GLE1: variants seen among roughly 807,000 people sequenced by gnomAD.
GLE1 encodes the protein GLE1 RNA export mediator.
GLE1 carries 78 observed loss-of-function variants against 97.3 expected under a neutral mutation model. That is an observed-to-expected ratio of 0.80 (90% CI 0.67 to 0.97). The LOEUF (loss-of-function observed/expected upper bound fraction) is 0.97. GLE1 is among the 50% of genes least tolerant of loss of function. GLE1 has a pLI of 0.00. For synonymous variants in GLE1, 302 were observed against 313.4 expected, an observed-to-expected ratio of 0.96 and a Z score of 0.39; for missense variants, 753 against 857.5, an observed-to-expected ratio of 0.88 and a Z score of 1.52.
chr9:128,540,355 C>T lies in GLE1; in HGVS notation c.2028+17C>T. On this transcript the variant is annotated intron_variant, in intron 15 of 15. Coordinates refer to ENST00000309971, the MANE Select transcript of GLE1 (RefSeq NM_001003722.2). Reference sequence around the variant, plus strand: ...TTCTTGGAGGTAAGATGCCCTTAGACCAACATGCCCCACACTGTTGTTGGG... The same window carrying T: ...TTCTTGGAGGTAAGATGCCCTTAGATCAACATGCCCCACACTGTTGTTGGG... The T allele has an allele frequency of 6.5e-7, 1 of 1,527,880 alleles. No individual in the cohort carries two copies. Among genetic ancestry groups the T allele is most frequent in the Non-Finnish European group, 9.1e-7 (1 of 1,101,372 alleles). 94.6% of individuals were successfully genotyped at this position (1,527,880 alleles called of 1,614,324 possible).
intron 1 of GLE1, among the ~76,000 whole-genome samples, chr9:128,505,585 A>C (rs2132393518): frequency 6.6e-6 from 1 of 152,330 alleles, no homozygotes; most frequent in East Asian, 1.9e-4. Context: ...GTGCTTTCAA[A>C]CCACCAGACC....
intron 9 of GLE1, among the ~76,000 whole-genome samples, chr9:128,529,298 A>C (rs1397378975): frequency 1.3e-5 from 2 of 152,114 alleles, no homozygotes; most frequent in Non-Finnish European, 2.9e-5. Flanking sequence ...TGAGCTCCTC[A>C]GAGCCCCTCC....
intron 6 of GLE1, among the ~76,000 whole-genome samples, chr9:128,524,219 C>T (rs1484750531): frequency 5.3e-5 from 8 of 151,706 alleles, no homozygotes; most frequent in South Asian, 2.1e-4. Context: ...GCTGGGACTA[C>T]AGGCGCATAC....
rs56164320 is a variant in GLE1, at chr9:128,504,933, C to G, written c.99+29C>G. 0.055 allele frequency: 80,002 copies of G among 1,455,298 alleles called. 3,243 individuals are homozygous for G. Among genetic ancestry groups the G allele is most frequent in the East Asian group, 0.16 (7,279 of 44,200 alleles). 90.1% of individuals were successfully genotyped at this position (1,455,298 alleles called of 1,614,324 possible). On this transcript the variant is annotated intron_variant, in intron 1 of 15. Coordinates refer to ENST00000309971, the MANE Select transcript of GLE1 (RefSeq NM_001003722.2). ...AGCGGTGGCCCCGGAGGACGTAGGC[C>G]TTTCCGGCCCCTCGCGACCGAAACC...
intron 11 of GLE1, among the ~76,000 whole-genome samples, chr9:128,535,539 G>C (rs1323140520): frequency 7.6e-5 from 6 of 78,616 alleles, no homozygotes; most frequent in Non-Finnish European, 1.7e-4. Context: ...AAAAAAAAAA[G>C]GCCAGGCGCG....
intron 3 of GLE1, among the ~76,000 whole-genome samples, chr9:128,516,580 G>T (rs1846994637): frequency 6.6e-6 from 1 of 151,190 alleles, no homozygotes; most frequent in Non-Finnish European, 1.5e-5. Flanking sequence ...CGGCCTCCCA[G>T]AGTGCTGGGA....
In GLE1 at chr9:128,522,676, G is replaced by C; in HGVS notation, c.441G>C (p.Leu147=). ...AAAAAAAACCTTTTCAGGAGGGCCT[G>C]AGGCTATGGCAGGAGGAGCAGGAGA... ...LVHRMKGTEG[L]RLWQEEQERK... The change falls in exon 4 of 16, where the codon CTG becomes CTC. Residue 147 remains leucine (L), a synonymous_variant. Coordinates refer to ENST00000309971, the MANE Select transcript of GLE1 (RefSeq NM_001003722.2). 1 of 1,608,082 alleles carries C rather than the reference G, an allele frequency of 6.2e-7. No individual in the cohort carries two copies. Among genetic ancestry groups the C allele is most frequent in the Non-Finnish European group, 8.5e-7 (1 of 1,176,106 alleles).
chr9:128,524,890 AAAT>A (rs1847258332), intron 6 of GLE1, among the ~76,000 whole-genome samples: 1 of 152,034 alleles, frequency 6.6e-6, no homozygotes, highest in Non-Finnish European at 1.5e-5. Flanking sequence ...CTGTCTCAAA[AAAT>A]AATTATTATT....
chr9:128,516,720 G>A (rs1846999389), intron 3 of GLE1, among the ~76,000 whole-genome samples: 1 of 151,774 alleles, frequency 6.6e-6, no homozygotes, highest in South Asian at 2.1e-4. Context: ...CGCCTCCTGG[G>A]TTCCAGCAAT....
Position 128,533,770 on chromosome 9 carries a change from G to T in GLE1, c.1465G>T (p.Glu489Ter). ...ACCTCTATGTTCTCAGAAACAAGGC[G>T]AGGAGGAAGTGGCCTCTCACCATGA... is the stretch of plus-strand genomic sequence containing the variant. ...KLAEKFVKQG[E>*]EEVASHHEAA... Residue 489 changes from glutamate (E) to a stop codon, truncating the protein, a stop_gained, in exon 11 of 16, where the codon GAG becomes TAG. Coordinates refer to ENST00000309971, the MANE Select transcript of GLE1 (RefSeq NM_001003722.2). LOFTEE classifies it high-confidence loss of function. 1 of 1,614,104 alleles carries T rather than the reference G, an allele frequency of 6.2e-7. No homozygotes were observed. The highest frequency in any genetic ancestry group is 8.5e-7 in the Non-Finnish European group (1 of 1,179,948).
At chr9:128,524,390 C>T (rs1055576091) in intron 6 of GLE1, among the ~76,000 whole-genome samples, 9 of 151,232 alleles carry the variant, frequency 6.0e-5, no homozygotes, top group African/African-American at 1.5e-4. Flanking sequence ...TTTTTTGTTT[C>T]GTTTTGTTTT....
In GLE1 at chr9:128,504,856, C is replaced by A. The variant is rs1261005607; in HGVS notation, c.51C>A (p.Ser17=). 1 of 1,613,482 alleles carries A rather than the reference C, an allele frequency of 6.2e-7. No individual in the cohort carries two copies. Among genetic ancestry groups the A allele is most frequent in the Admixed American group, 1.7e-5 (1 of 59,996 alleles). ...AGACCTTGAAGGCCCTACGCAGTTCCGACAAAGGTCGCCTTTGCTACTACC... is the reference window on the plus strand; with the variant it reads ...AGACCTTGAAGGCCCTACGCAGTTCAGACAAAGGTCGCCTTTGCTACTACC... ...CWETLKALRS[S]DKGRLCYYRD... The change falls in exon 1 of 16, where the codon TCC becomes TCA. Residue 17 remains serine (S), a synonymous_variant. Coordinates refer to ENST00000309971, the MANE Select transcript of GLE1 (RefSeq NM_001003722.2).
intron 2 of GLE1, among the ~76,000 whole-genome samples, chr9:128,511,206 A>AATATATGTATATATGTATGTATATAC (rs1846809646): frequency 6.6e-6 from 1 of 150,740 alleles, no homozygotes; most frequent in African/African-American, 2.4e-5. Context: ...TCAGTCTCAA[A>AATATATGTATATATGTATGTATATAC]ATATATGTAT....
chr9:128,511,238 TAAC>T (rs370478359), intron 2 of GLE1, among the ~76,000 whole-genome samples: 51 of 149,176 alleles, frequency 3.4e-4, no homozygotes, highest in Middle Eastern at 7.1e-3. Flanking sequence ...GAGTAAATAA[TAAC>T]AACAAAATAA....
intron 13 of GLE1, among the ~76,000 whole-genome samples, 195 bp downstream of exon 13, chr9:128,538,285 T>G (rs1847782490): frequency 6.6e-6 from 1 of 152,214 alleles, no homozygotes; most frequent in Non-Finnish European, 1.5e-5. Context: ...TTTACTTGGC[T>G]TCTCTGGATT....
chr9:128,538,639 A>G (rs1278511719), intron 13 of GLE1, among the ~76,000 whole-genome samples: 1 of 152,220 alleles, frequency 6.6e-6, no homozygotes, highest in Non-Finnish European at 1.5e-5. Flanking sequence ...TCTACTAAAA[A>G]TAAAAAATCA....
At chr9:128,505,033 C>G (rs1425667249) in intron 1 of GLE1, 129 bp downstream of exon 1, 2 of 695,946 alleles carry the variant, frequency 2.9e-6, no homozygotes, top group Non-Finnish European at 5.2e-6. Flanking sequence ...TTCTTGACTT[C>G]TGTGTGTACA....
In GLE1 at chr9:128,508,559, CA is replaced by C. The variant is rs1846709956; in HGVS notation, c.100-316del. Among the ~76,000 whole-genome samples the C allele has an allele frequency of 5.9e-5, 9 of 152,328 alleles. No individual in the cohort carries two copies. In the South Asian group the frequency reaches 1.9e-3, roughly 32 times the overall value. On this transcript the variant is annotated intron_variant, in intron 1 of 15. Coordinates refer to ENST00000309971, the MANE Select transcript of GLE1 (RefSeq NM_001003722.2). Reference sequence around the variant, plus strand: ...ACTGACATTCTACTGATTGTGTATACAGTAGCTTACTTCAGAATTCCTCGTG... The same window carrying C: ...ACTGACATTCTACTGATTGTGTATACGTAGCTTACTTCAGAATTCCTCGTG...
chr9:128,511,898 G>A (rs551955491), intron 2 of GLE1, among the ~76,000 whole-genome samples: 13 of 152,004 alleles, frequency 8.6e-5, no homozygotes, highest in African/African-American at 2.2e-4. Flanking sequence ...TGCAACCTCC[G>A]CCTCCCAGGT....
Sources: gnomAD v4.1 joint callset for allele counts (sites outside exome capture counted in the v4.1 genomes callset) on GRCh38, gnomAD v4.1.1 for gene constraint, MANE v1.5 for transcripts, NCBI Gene and HGNC (gene_info 2026-07-23, HGNC 2026-07-21) for gene names.